Variants in NUTF2 observed in about 807,000 individuals in gnomAD.
NUTF2 encodes the protein placental protein 15.
NUTF2 carries 3 observed loss-of-function variants against 18.5 expected under a neutral mutation model. The observed-to-expected ratio is 0.16, with a 90% CI of 0.07 to 0.42. The LOEUF (loss-of-function observed/expected upper bound fraction) is 0.42, where lower values mean the gene tolerates loss of function less well. NUTF2 is among the 10% of genes least tolerant of loss of function. The pLI, the probability that NUTF2 is intolerant of heterozygous loss-of-function variation, is 0.99. For synonymous variants in NUTF2, 51 were observed against 57.9 expected (o/e 0.88, Z 0.54); for missense variants, 44 against 160.7 (o/e 0.27, Z 3.93).
chr16:67,871,137 G>T lies in NUTF2; in HGVS notation c.*224G>T. 6.1e-5 allele frequency: 19 copies of T among 311,410 alleles called. No homozygotes were observed. The highest frequency in any genetic ancestry group is 9.0e-4 in the Middle Eastern group (1 of 1,110). The allele number at this position is 311,410 out of a possible 1,614,324, so 19.3% of individuals were successfully genotyped here. A position where few individuals can be genotyped will look rare whatever the true frequency, so the allele number is the denominator to read the frequency against. On this transcript the variant is annotated 3_prime_UTR_variant, in exon 5 of 5. Transcript: ENST00000219169. ...GTTGTACCAGCGCATGCCTTGGAAA[G>T]ACTTAAGTAATGCAAAAGGTTGTCC...
intron 1 of NUTF2, among the ~76,000 whole-genome samples, chr16:67,862,020 T>G (rs1218937240): frequency 1.3e-5 from 2 of 151,996 alleles, no homozygotes; most frequent in Non-Finnish European, 2.9e-5. Context: ...GGTTCTGTTG[T>G]GTCTGTATGT....
intron 2 of NUTF2, 108 bp downstream of exon 2, chr16:67,865,337 C>T: frequency 4.2e-6 from 3 of 721,740 alleles, no homozygotes; most frequent in Non-Finnish European, 4.8e-6. Context: ...ACTGGCTACA[C>T]CTCTGTATCT....
intron 1 of NUTF2, among the ~76,000 whole-genome samples, chr16:67,858,073 C>CATA (rs1227915192): frequency 6.6e-6 from 1 of 152,106 alleles, no homozygotes; most frequent in Non-Finnish European, 1.5e-5. Context: ...GGAGATAGAC[C>CATA]GTAAACAAAT....
chr16:67,859,977 T>G lies in NUTF2; in HGVS notation c.-29-5125T>G, dbSNP rs866283468. On this transcript the variant is annotated intron_variant, in intron 1 of 4. Coordinates refer to ENST00000219169, the MANE Select transcript of NUTF2 (RefSeq NM_005796.3). ...ACCACCATGGCCAGATATTTTATTA[T>G]TTTTTTTTTTCTTTTTTTTTGAGAT... Among the ~76,000 whole-genome samples the G allele has an allele frequency of 3.4e-3, 504 of 147,066 alleles. 7 individuals carry two copies. Among genetic ancestry groups the G allele is most frequent in the African/African-American group, 0.011 (465 of 40,474 alleles).
intron 1 of NUTF2, among the ~76,000 whole-genome samples, chr16:67,848,323 C>T (rs952064927): frequency 4.3e-4 from 65 of 152,332 alleles, no homozygotes; most frequent in African/African-American, 1.5e-3. Flanking sequence ...TGGCTCACGC[C>T]TGCAATCCCA....
At chr16:67,847,097 C>A (rs1031348899) in intron 1 of NUTF2, 112 bp downstream of exon 1, 5 of 150,176 alleles carry the variant, frequency 3.3e-5, no homozygotes, top group Admixed American at 6.6e-5. Context: ...CTCCCCCCCC[C>A]CCGGCGGCCC....
At chr16:67,862,781 G>A (rs2057943370) in intron 1 of NUTF2, among the ~76,000 whole-genome samples, 1 of 152,200 alleles carries the variant, frequency 6.6e-6, no homozygotes, top group Non-Finnish European at 1.5e-5. Flanking sequence ...GCTACAGGGA[G>A]ATGAGATGGC....
chr16:67,855,875 ATT>A, intron 1 of NUTF2: 1 of 299,458 alleles, frequency 3.3e-6, no homozygotes, highest in Non-Finnish European at 5.9e-6. Context: ...TTGCCACCCG[ATT>A]TTTTTTTGGC....
At chr16:67,858,804 G>A (rs1029991899) in intron 1 of NUTF2, among the ~76,000 whole-genome samples, 2 of 152,022 alleles carry the variant, frequency 1.3e-5, no homozygotes, top group Non-Finnish European at 2.9e-5. Flanking sequence ...ATAAAATCGG[G>A]GGACTTCCAG....
intron 1 of NUTF2, among the ~76,000 whole-genome samples, chr16:67,848,278 C>T (rs1401094927): frequency 6.6e-6 from 1 of 152,108 alleles, no homozygotes; most frequent in Non-Finnish European, 1.5e-5. Flanking sequence ...CGCAGTCTTT[C>T]CAGAGACTAA....
chr16:67,871,049 C>A lies in NUTF2; in HGVS notation c.*136C>A. The A allele has an allele frequency of 1.6e-6, 1 of 637,804 alleles. No individual in the cohort carries two copies. Among genetic ancestry groups the A allele is most frequent in the South Asian group, 2.0e-5 (1 of 50,048 alleles). 39.5% of individuals were successfully genotyped at this position (637,804 alleles called of 1,614,324 possible). A position where few individuals can be genotyped will look rare whatever the true frequency, so the allele number is the denominator to read the frequency against. On this transcript the variant is annotated 3_prime_UTR_variant, in exon 5 of 5. Coordinates refer to ENST00000219169, the MANE Select transcript of NUTF2 (RefSeq NM_005796.3). ...GGGAGTGGGCGCAGTGCGCTGCTGC[C>A]ACTGAGGTGTTGTGCATGATGTTTG...
intron 2 of NUTF2, among the ~76,000 whole-genome samples, chr16:67,865,596 C>G (rs2057965288): frequency 6.6e-6 from 1 of 152,156 alleles, no homozygotes; most frequent in African/African-American, 2.4e-5. Flanking sequence ...CTCTTGGAGG[C>G]CTGGGGTCCA....
At chr16:67,849,053 C>T (rs1370765778) in intron 1 of NUTF2, among the ~76,000 whole-genome samples, 2 of 152,206 alleles carry the variant, frequency 1.3e-5, no homozygotes, top group Non-Finnish European at 2.9e-5. Context: ...TTACCAAGCC[C>T]TGCCTTCTCT....
At chr16:67,863,110 TTG>T (rs1472152889) in intron 1 of NUTF2, among the ~76,000 whole-genome samples, 1 of 152,146 alleles carries the variant, frequency 6.6e-6, no homozygotes, top group Non-Finnish European at 1.5e-5. Context: ...TCCTCTAAGT[TTG>T]TGTGTGAGTA....
At position 67,868,372 on chromosome 16, in the gene NUTF2, A is replaced by G. The variant is rs142566407; in HGVS notation, c.132A>G (p.Gln44=). 13 of 1,614,138 alleles carry G rather than the reference A, an allele frequency of 8.1e-6. No individual in the cohort carries two copies. The highest frequency in any genetic ancestry group is 2.7e-5 in the African/African-American group (2 of 75,028). ...IDASCLTWEG[Q]QFQGKAAIVE... ...CGTCATGCCTTACGTGGGAAGGACA[A>G]CAGTTCCAGGGGAAAGCTGCCATTG... Residue 44 remains glutamine, a synonymous_variant, in exon 3 of 5, where the codon CAA becomes CAG. Transcript: ENST00000219169.
intron 1 of NUTF2, among the ~76,000 whole-genome samples, chr16:67,849,636 C>T (rs897644007): frequency 3.3e-5 from 5 of 150,668 alleles, no homozygotes; most frequent in Admixed American, 6.6e-5. Context: ...CCACTGATCC[C>T]GGCCTAATTT....
At chr16:67,849,883 C>T (rs369343800) in intron 1 of NUTF2, among the ~76,000 whole-genome samples, 9 of 152,144 alleles carry the variant, frequency 5.9e-5, no homozygotes, top group Non-Finnish European at 1.3e-4. Flanking sequence ...TGGTCTCGAT[C>T]TCCTGACCTC....
At chr16:67,851,185 A>G (rs1158875184) in intron 1 of NUTF2, among the ~76,000 whole-genome samples, 1 of 152,046 alleles carries the variant, frequency 6.6e-6, no homozygotes, top group Non-Finnish European at 1.5e-5. Context: ...TAATTACTTA[A>G]GAGAGACACA....
At chr16:67,852,866 A>G (rs1391097731) in intron 1 of NUTF2, among the ~76,000 whole-genome samples, 1 of 151,378 alleles carries the variant, frequency 6.6e-6, no homozygotes, top group Non-Finnish European at 1.5e-5. Flanking sequence ...TTTAGTAGAG[A>G]TGGGGTTTCT....
Sources: gnomAD v4.1 joint callset for allele counts (sites outside exome capture counted in the v4.1 genomes callset) on GRCh38, gnomAD v4.1.1 for gene constraint, MANE v1.5 for transcripts, NCBI Gene and HGNC (gene_info 2026-07-23, HGNC 2026-07-21) for gene names.